Variants in RSRP1 observed in about 807,000 individuals in gnomAD.
RSRP1 encodes the protein arginine/serine-rich protein 1.
Under a neutral mutation model 33.0 loss-of-function variants are expected in RSRP1, and 37 were observed. The observed-to-expected ratio is 1.12, with a 90% CI of 0.86 to 1.48. RSRP1 has a LOEUF of 1.48. Among genes scored for constraint, RSRP1 ranks in the 40% most tolerant of loss-of-function variants. The probability of loss-of-function intolerance (pLI) is 0.00; values close to 1 mark genes in which losing one functional copy is unlikely to be tolerated. For synonymous variants in RSRP1, 167 were observed against 158.7 expected, an observed-to-expected ratio of 1.05 and a Z score of -0.40; for missense variants, 402 against 385.3, an observed-to-expected ratio of 1.04 and a Z score of -0.36.
chr1:25,306,380 G>C lies in RSRP1; in HGVS notation c.-67+31598C>G, dbSNP rs372156222. On this transcript the variant is annotated intron_variant, in intron 1 of 1. Transcript: ENST00000561867. ...CACCTGGGACCTTGTTAGAAATGCT[G>C]TTAGACCCCACCCCACATCCACTAA... 4.2e-4 allele frequency among the ~76,000 whole-genome samples: 56 copies of C among 131,772 alleles called. 5 individuals carry two copies. The highest frequency in any genetic ancestry group is 4.0e-3 in the Middle Eastern group (1 of 248). The allele number at this position is 131,772 out of a possible 152,430, so 86.4% of individuals were successfully genotyped here.
At chr1:25,293,332 G>A (rs1571636100) in intron 1 of RSRP1, among the ~76,000 whole-genome samples, 1 of 126,898 alleles carries the variant, frequency 7.9e-6, no homozygotes, top group Admixed American at 7.7e-5. Context: ...CCTTTAGGCC[G>A]ATGCAGGGAC....
intron 1 of RSRP1, chr1:25,284,822 T>C (rs1488899897): frequency 7.6e-7 from 1 of 1,315,060 alleles, no homozygotes; most frequent in Non-Finnish European, 1.1e-6. Flanking sequence ...AAAGGACAGG[T>C]TCCAGAAGAT....
intron 1 of RSRP1, chr1:25,294,682 A>T (rs2124654066): frequency 1.6e-6 from 1 of 644,790 alleles, no homozygotes; most frequent in East Asian, 2.6e-5. Context: ...AACGAGAGAA[A>T]TGGCAGGGAC....
intron 1 of RSRP1, among the ~76,000 whole-genome samples, chr1:25,273,569 A>C (rs1441396753): frequency 3.2e-5 from 3 of 92,714 alleles, no homozygotes; most frequent in East Asian, 4.2e-4. Flanking sequence ...GCTGTCTATA[A>C]ATCCAGAACC....
chr1:25,271,994 G>A (rs143437659), intron 1 of RSRP1, among the ~76,000 whole-genome samples: 8 of 132,004 alleles, frequency 6.1e-5, no homozygotes, highest in Admixed American at 2.2e-4. Context: ...TGAGGAGTCA[G>A]TTCTACGTGG....
At chr1:25,301,386 C>G in intron 1 of RSRP1, 1 of 876,584 alleles carries the variant, frequency 1.1e-6, no homozygotes, top group South Asian at 1.4e-5. Flanking sequence ...GGAGGGGAGA[C>G]GTGACTTCCC....
chr1:25,244,790 C>A, intron 3 of RSRP1: 2 of 982,328 alleles, frequency 2.0e-6, no homozygotes, highest in Non-Finnish European at 2.6e-6. Context: ...GCTCAAAGAT[C>A]CTCCTGCCTC....
chr1:25,331,362 T>G lies in RSRP1; in HGVS notation c.-67+6616A>C, dbSNP rs1557576694. Among the ~76,000 whole-genome samples, 3 of 131,122 alleles carry G rather than the reference T, an allele frequency of 2.3e-5. 1 individual carries two copies. The highest frequency in any genetic ancestry group is 5.4e-5 in the Non-Finnish European group (3 of 55,492). 86.0% of individuals were successfully genotyped at this position (131,122 alleles called of 152,430 possible). ...ACTATTATTTCTTTAAAGCACCTAT[T>G]TCCAAATATAGTCACTTTAGGGGTT... is the stretch of plus-strand genomic sequence containing the variant. On this transcript the variant is annotated intron_variant, in intron 1 of 1. Transcript: ENST00000561867.
chr1:25,311,017 A>G (rs1310887902), intron 1 of RSRP1, among the ~76,000 whole-genome samples: 1 of 130,822 alleles, frequency 7.6e-6, no homozygotes, highest in Non-Finnish European at 1.8e-5. Context: ...CATTAAAGAC[A>G]GTTCTGCAGT....
chr1:25,296,743 T>C (rs1314527152), intron 1 of RSRP1, among the ~76,000 whole-genome samples: 1 of 123,828 alleles, frequency 8.1e-6, no homozygotes, highest in African/African-American at 2.7e-5. Context: ...CCTCTCTCTC[T>C]TTCTCTCTCT....
chr1:25,282,265 C>G (rs1451616689), intron 1 of RSRP1, among the ~76,000 whole-genome samples: 1 of 131,618 alleles, frequency 7.6e-6, no homozygotes, highest in African/African-American at 2.6e-5. Flanking sequence ...GACAGAGTCT[C>G]ACTGTGTCGC....
chr1:25,264,345 C>CT (rs1640254644), intron 1 of RSRP1, among the ~76,000 whole-genome samples: 1 of 151,980 alleles, frequency 6.6e-6, no homozygotes, highest in Non-Finnish European at 1.5e-5. Context: ...CGCACATCCT[C>CT]TTTAATCTAG....
chr1:25,320,257 A>C (rs28628791), intron 1 of RSRP1, among the ~76,000 whole-genome samples: 85,069 of 130,164 alleles, frequency 0.65, 34,474 homozygotes, highest in South Asian at 0.86. Flanking sequence ...AGAGATTAGA[A>C]CAACAACCCT....
At chr1:25,276,532 T>TAAAAAAAAAATAAAAAAAAAA (rs1640997965) in intron 1 of RSRP1, among the ~76,000 whole-genome samples, 1 of 64,786 alleles carries the variant, frequency 1.5e-5, no homozygotes, top group African/African-American at 7.2e-5. Flanking sequence ...CCCCCATCTC[T>TAAAAAAAAAATAAAAAAAAAA]AAAAAAAAAA....
rs1258303280 is a variant in RSRP1 at position 25,309,352 on chromosome 1, G to A, written c.-67+28626C>T. ...AGAAAAGAAAGTCCCCACTTGGCCT[G>A]AGAATCTCTGCACCCTTCTAGCTCT... On this transcript the variant is annotated intron_variant, in intron 1 of 1. Transcript: ENST00000561867. Among the ~76,000 whole-genome samples the A allele has an allele frequency of 3.1e-5, 4 of 131,138 alleles. 1 individual carries two copies. The highest frequency in any genetic ancestry group is 7.2e-5 in the Non-Finnish European group (4 of 55,806). The allele number at this position is 131,138 out of a possible 152,430, so 86.0% of individuals were successfully genotyped here.
intron 1 of RSRP1, among the ~76,000 whole-genome samples, chr1:25,322,693 G>A (rs1274192935): frequency 8.3e-6 from 1 of 120,460 alleles, no homozygotes; most frequent in East Asian, 2.0e-4. Flanking sequence ...CAAAACAATT[G>A]TACATATTTA....
chr1:25,250,993 A>G (rs1639760304), upstream of RSRP1, among the ~76,000 whole-genome samples: 1 of 152,044 alleles, frequency 6.6e-6, no homozygotes, highest in South Asian at 2.1e-4. Flanking sequence ...TGGGCAACAC[A>G]GCGAGACTCC....
rs112678866 is a variant in RSRP1 at position 25,252,945 on chromosome 1, C to A, written c.-66-5916G>T. ...CCTATTTTCAAGGTTTTGTTTATTGCCTCGAGGCAGATGATGTATTTATCA... is the reference window on the plus strand; with the variant it reads ...CCTATTTTCAAGGTTTTGTTTATTGACTCGAGGCAGATGATGTATTTATCA... On this transcript the variant is annotated intron_variant, in intron 1 of 1. Coordinates refer to the RSRP1 transcript ENST00000561867. Among the ~76,000 whole-genome samples the A allele has an allele frequency of 7.2e-5, 11 of 152,292 alleles. 3 individuals are homozygous for A. The highest frequency in any genetic ancestry group is 2.6e-4 in the African/African-American group (11 of 41,554).
chr1:25,244,856 G>C, intron 3 of RSRP1: 2 of 1,070,314 alleles, frequency 1.9e-6, no homozygotes, highest in Non-Finnish European at 2.4e-6. Flanking sequence ...GCTAATTTTT[G>C]TATTTTTTGT....
Sources: allele counts gnomAD v4.1 joint callset (sites outside exome capture counted in the v4.1 genomes callset), GRCh38; gene constraint gnomAD v4.1.1; transcripts MANE v1.5; gene names NCBI Gene and HGNC (gene_info 2026-07-23, HGNC 2026-07-21).